The following PDZD2 variants were observed in gnomAD, a reference collection of about 807,000 sequenced individuals.
PDZD2 encodes PDZ domain containing 2, also known as PDZ domain-containing protein 2.
A neutral mutation model predicts 220.7 loss-of-function variants in PDZD2; 90 were observed. The observed-to-expected ratio is 0.41, with a 90% CI of 0.34 to 0.49. The LOEUF (loss-of-function observed/expected upper bound fraction) is 0.49, where lower values mean the gene tolerates loss of function less well. Ranked by LOEUF, PDZD2 falls within the 20% of genes least tolerant of loss-of-function variation. The probability of loss-of-function intolerance (pLI) is 0.28; values close to 1 mark genes in which losing one functional copy is unlikely to be tolerated. For synonymous variants in PDZD2, 1,375 were observed against 1,450.5 expected, an observed-to-expected ratio of 0.95 and a Z score of 1.18; for missense variants, 3,174 against 3,608.5, an observed-to-expected ratio of 0.88 and a Z score of 3.08.
At chr5:31,707,567 C>T (rs568732191) in intron 1 of PDZD2, among the ~76,000 whole-genome samples, 1 of 152,244 alleles carries the variant, frequency 6.6e-6, no homozygotes, top group South Asian at 2.1e-4. Context: ...TTCATTATGG[C>T]TAATATGAGT....
chr5:31,765,021 G>A (rs1415921505), intron 1 of PDZD2, among the ~76,000 whole-genome samples: 2 of 151,938 alleles, frequency 1.3e-5, no homozygotes, highest in African/African-American at 4.8e-5. Context: ...AGTTTGCAGT[G>A]AGCCGAGATC....
chr5:31,974,072 C>G (rs1749532317), intron 2 of PDZD2, among the ~76,000 whole-genome samples: 1 of 152,202 alleles, frequency 6.6e-6, no homozygotes, highest in African/African-American at 2.4e-5. Flanking sequence ...TGTCCACTTC[C>G]AGGGCTCAAG....
chr5:31,679,201 C>T (rs1746560145), intron 1 of PDZD2, among the ~76,000 whole-genome samples: 1 of 152,250 alleles, frequency 6.6e-6, no homozygotes, highest in Non-Finnish European at 1.5e-5. Flanking sequence ...GGTGCCTGTT[C>T]TTTTCCCTGC....
rs1490391198 is a variant in PDZD2 at position 32,109,968 on chromosome 5, T to TTTAC, written c.*1836_*1839dup. Reference sequence around the variant, plus strand: ...AGTTAGTTAGAAAGGTCTTATTGATTTTACTTCTACTTTTCACTACAGTTA... The same window carrying TTTAC: ...AGTTAGTTAGAAAGGTCTTATTGATTTTACTTACTTCTACTTTTCACTACAGTTA... On this transcript the variant is annotated 3_prime_UTR_variant, in exon 25 of 25. Coordinates refer to ENST00000438447, the MANE Select transcript of PDZD2 (RefSeq NM_178140.4). The TTTAC allele has an allele frequency of 1.3e-5, 2 of 152,612 alleles. No individual in the cohort carries two copies. Among genetic ancestry groups the TTTAC allele is most frequent in the South Asian group, 4.1e-4 (2 of 4,824 alleles). The allele number at this position is 152,612 out of a possible 1,614,324, so 9.5% of individuals were successfully genotyped here.
intron 1 of PDZD2, among the ~76,000 whole-genome samples, chr5:31,666,452 G>A (rs139409642): frequency 9.6e-4 from 146 of 152,320 alleles, no homozygotes; most frequent in African/African-American, 3.3e-3. Flanking sequence ...AAGGGAAAGC[G>A]CCTTTTGCGA....
chr5:32,081,641 G>A (rs949747755), intron 19 of PDZD2, among the ~76,000 whole-genome samples: 11 of 152,166 alleles, frequency 7.2e-5, no homozygotes, highest in African/African-American at 2.7e-4. Context: ...TTGAGTGCTC[G>A]TAGCAGTTCT....
At chr5:32,058,583 A>T (rs1285105287) in intron 12 of PDZD2, among the ~76,000 whole-genome samples, 1 of 151,550 alleles carries the variant, frequency 6.6e-6, no homozygotes, top group Non-Finnish European at 1.5e-5. Context: ...CTGAGGCAAG[A>T]CAATCGCTCG....
intron 6 of PDZD2, among the ~76,000 whole-genome samples, chr5:32,024,531 A>T (rs1295960933): frequency 6.6e-6 from 1 of 152,092 alleles, no homozygotes; most frequent in Middle Eastern, 3.2e-3. Context: ...AAAACTACAA[A>T]AATTAGCTGG....
chr5:32,096,465 CCGCCACCA>C (rs1743709896), intron 21 of PDZD2, among the ~76,000 whole-genome samples: 1 of 152,114 alleles, frequency 6.6e-6, no homozygotes, highest in African/African-American at 2.4e-5. Flanking sequence ...TTACAGGTGT[CCGCCACCA>C]CGCCCGGCTA....
chr5:32,078,638 T>A (rs13176870), intron 19 of PDZD2, among the ~76,000 whole-genome samples: 9,852 of 104,544 alleles, frequency 0.094, 1,702 homozygotes, highest in African/African-American at 0.36. Context: ...TCTCAAAAAT[T>A]AAAAAAAAAA....
intron 6 of PDZD2, among the ~76,000 whole-genome samples, chr5:32,023,214 A>G (rs7725120): frequency 0.68 from 102,696 of 151,916 alleles, 36,453 homozygotes; most frequent in Non-Finnish European, 0.79. Flanking sequence ...TTGAACCCTC[A>G]TGTCATCCCC....
At chr5:31,996,106 C>T (rs1279454342) in intron 4 of PDZD2, among the ~76,000 whole-genome samples, 1 of 152,072 alleles carries the variant, frequency 6.6e-6, no homozygotes, top group Non-Finnish European at 1.5e-5. Context: ...ACGAATGACC[C>T]GGGAAAGTGA....
At chr5:32,033,963 C>G (rs1353720170) in intron 6 of PDZD2, among the ~76,000 whole-genome samples, 1 of 152,114 alleles carries the variant, frequency 6.6e-6, no homozygotes, top group Non-Finnish European at 1.5e-5. Context: ...CATAAAAAAC[C>G]TACTGGCATT....
rs186556029 is a variant in PDZD2 at position 31,705,415 on chromosome 5, C to G, written c.-361+65978C>G. On this transcript the variant is annotated intron_variant, in intron 1 of 24. Transcript: ENST00000438447. ...GCATTTTCTGGTGCCATTAAAGACTCCTAGAAAGAGATAGAATTTGAGGTT... is the reference window on the plus strand; with the variant it reads ...GCATTTTCTGGTGCCATTAAAGACTGCTAGAAAGAGATAGAATTTGAGGTT... 9.0e-4 allele frequency among the ~76,000 whole-genome samples: 137 copies of G among 152,120 alleles called. 1 individual carries two copies. Among genetic ancestry groups the G allele is most frequent in the Middle Eastern group, 3.4e-3 (1 of 294 alleles).
At chr5:31,940,299 G>A (rs1746105277) in intron 2 of PDZD2, among the ~76,000 whole-genome samples, 1 of 152,136 alleles carries the variant, frequency 6.6e-6, no homozygotes, top group South Asian at 2.1e-4. Flanking sequence ...TCCCTTGTAG[G>A]CCCATCTGCC....
chr5:31,823,813 G>C (rs1001815074), intron 2 of PDZD2, among the ~76,000 whole-genome samples: 1 of 152,166 alleles, frequency 6.6e-6, no homozygotes. Flanking sequence ...TGTTTTACAG[G>C]AGTCCTCCTA....
chr5:31,693,477 T>G (rs927234890), intron 1 of PDZD2, among the ~76,000 whole-genome samples: 2 of 152,068 alleles, frequency 1.3e-5, no homozygotes, highest in Non-Finnish European at 2.9e-5. Flanking sequence ...CCTGACCTCG[T>G]GATCTGCCCA....
rs185331658 is a variant in PDZD2, at chr5:32,100,690, G to C, written c.8219-415G>C. On this transcript the variant is annotated intron_variant, in intron 23 of 24. Coordinates refer to ENST00000438447, the MANE Select transcript of PDZD2 (RefSeq NM_178140.4). The stretch of plus-strand genomic sequence containing the variant: ...CTGCCAAGTCTTGGTACCAGAGGAT[G>C]ATCTGCTGCTGCCATTAGCAGCCAG... 477 of 380,952 alleles carry C rather than the reference G, an allele frequency of 1.3e-3. 3 individuals carry two copies. Among genetic ancestry groups the C allele is most frequent in the African/African-American group, 9.4e-3 (447 of 47,762 alleles). The allele number at this position is 380,952 out of a possible 1,614,324, so 23.6% of individuals were successfully genotyped here.
intron 6 of PDZD2, among the ~76,000 whole-genome samples, chr5:32,012,384 A>T (rs1250340910): frequency 6.6e-6 from 1 of 151,204 alleles, no homozygotes; most frequent in South Asian, 2.1e-4. Context: ...TTAAAAAATT[A>T]TTTTTTTTTG....
Sources: gnomAD v4.1 joint callset for allele counts (sites outside exome capture counted in the v4.1 genomes callset) on GRCh38, gnomAD v4.1.1 for gene constraint, MANE v1.5 for transcripts, NCBI Gene and HGNC (gene_info 2026-07-23, HGNC 2026-07-21) for gene names.